Variants in TPH2 observed in about 807,000 individuals in gnomAD.
TPH2 encodes the protein tryptophan hydroxylase 2.
TPH2 carries 27 observed loss-of-function variants against 59.1 expected under a neutral mutation model. That is an observed-to-expected ratio of 0.46 (90% CI 0.34 to 0.63). The LOEUF is 0.63. Ranked by LOEUF, TPH2 falls within the 30% of genes least tolerant of loss-of-function variation. TPH2 has a pLI of 0.01. For missense variants in TPH2, 523 were observed against 588.3 expected (o/e 0.89, Z 1.15); for synonymous variants, 220 against 210.5 (o/e 1.05, Z -0.39).
At chr12:71,941,448 C>T (rs981185776) in intron 1 of TPH2, 136 bp from the exon 2 acceptor site, 21 of 1,072,946 alleles carry the variant, frequency 2.0e-5, no homozygotes, top group South Asian at 4.6e-5. Context: ...ATGAGTGACA[C>T]GGCAACTTCA....
intron 8 of TPH2, among the ~76,000 whole-genome samples, chr12:72,020,511 G>A (rs534090539): frequency 5.9e-5 from 9 of 152,070 alleles, no homozygotes; most frequent in East Asian, 1.9e-4. Context: ...TTTTTGAGAC[G>A]GAGTTTTGCT....
chr12:71,976,762 T>C (rs1872131025), intron 6 of TPH2, among the ~76,000 whole-genome samples: 1 of 152,202 alleles, frequency 6.6e-6, no homozygotes, highest in Non-Finnish European at 1.5e-5. Flanking sequence ...GGGCCTGTTT[T>C]ATAAGCTTAG....
At chr12:71,981,025 G>A (rs1048114870) in intron 7 of TPH2, among the ~76,000 whole-genome samples, 1 of 152,210 alleles carries the variant, frequency 6.6e-6, no homozygotes, top group African/African-American at 2.4e-5. Flanking sequence ...TAATTAGTGT[G>A]TGTAAAAAGT....
rs538941735 is a variant in TPH2, at chr12:71,948,972, GCTAAGA to G, written c.541-611_541-606del. Among the ~76,000 whole-genome samples, 132 of 152,266 alleles carry G rather than the reference GCTAAGA, an allele frequency of 8.7e-4. 3 individuals carry two copies. The East Asian group carries it at 0.014, about 16-fold the overall frequency. The stretch of plus-strand genomic sequence containing the variant: ...ATGATGGATAAAAATCTTGAAGTTG[GCTAAGA>G]CTAACTAGAATTATAAGAAGTCAGA... On this transcript the variant is annotated intron_variant, in intron 4 of 10. Coordinates refer to ENST00000333850, the MANE Select transcript of TPH2 (RefSeq NM_173353.4).
chr12:71,939,262 T>C (rs771391729), intron 1 of TPH2, among the ~76,000 whole-genome samples, 171 bp downstream of exon 1: 1 of 152,164 alleles, frequency 6.6e-6, no homozygotes, highest in Non-Finnish European at 1.5e-5. Flanking sequence ...TCCTCTTCTC[T>C]CCATAAGTAA....
At position 72,015,908 on chromosome 12, in the gene TPH2, G is replaced by A. The variant is rs866865115; in HGVS notation, c.1069-6491G>A. On this transcript the variant is annotated intron_variant, in intron 8 of 10. Transcript: ENST00000333850. Reference sequence around the variant, plus strand: ...TGGCTGGGGTCATGGGGAGCATAAGGTGATAGCTACTTACACTCATCCTGG... The same window carrying A: ...TGGCTGGGGTCATGGGGAGCATAAGATGATAGCTACTTACACTCATCCTGG... 2.4e-4 allele frequency among the ~76,000 whole-genome samples: 37 copies of A among 152,292 alleles called. No homozygotes were observed. In the Middle Eastern group the frequency reaches 0.01, roughly 42 times the overall value.
chr12:71,980,819 T>A (rs887723345), intron 7 of TPH2, among the ~76,000 whole-genome samples: 4 of 152,198 alleles, frequency 2.6e-5, no homozygotes, highest in Non-Finnish European at 4.4e-5. Flanking sequence ...CAGAGGATAA[T>A]GTGTTACATT....
At chr12:72,011,208 GGA>G (rs1276641697) in intron 8 of TPH2, among the ~76,000 whole-genome samples, 58 of 152,282 alleles carry the variant, frequency 3.8e-4, no homozygotes, top group African/African-American at 1.4e-3. Context: ...GCTTTGTTAT[GGA>G]GATGTTGCAC....
intron 1 of TPH2, among the ~76,000 whole-genome samples, chr12:71,941,200 A>G (rs1168460292): frequency 1.3e-5 from 2 of 152,208 alleles, no homozygotes; most frequent in Admixed American, 6.5e-5. Context: ...TTAGTAATTA[A>G]TATAGTTTCC....
intron 8 of TPH2, 74 bp from the exon 9 acceptor site, chr12:72,022,325 T>C: frequency 1.0e-6 from 1 of 1,000,382 alleles, no homozygotes; most frequent in South Asian, 1.3e-5. Context: ...CCCACCATTT[T>C]GTTTTGGGTG....
rs574058353 is a variant in TPH2 at position 71,954,694 on chromosome 12, C to T, written c.608+5039C>T. 8.5e-5 allele frequency among the ~76,000 whole-genome samples: 13 copies of T among 152,274 alleles called. No homozygotes were observed. In the East Asian group the frequency reaches 2.5e-3, roughly 29 times the overall value. On this transcript the variant is annotated intron_variant, in intron 5 of 10. Transcript: ENST00000333850. ...TTGAATCTCAGCATTAACATTGCTG[C>T]ATTTCTGTGGACTTCACAATTACTA... is the stretch of plus-strand genomic sequence containing the variant.
chr12:71,950,363 C>T (rs1161400326), intron 5 of TPH2, among the ~76,000 whole-genome samples: 2 of 151,698 alleles, frequency 1.3e-5, no homozygotes, highest in South Asian at 4.2e-4. Context: ...AAGGGTGGGG[C>T]CATTTTATAG....
intron 6 of TPH2, among the ~76,000 whole-genome samples, chr12:71,975,103 T>A (rs1208102828): frequency 6.6e-6 from 1 of 152,050 alleles, no homozygotes; most frequent in Non-Finnish European, 1.5e-5. Flanking sequence ...CCTCAGCACA[T>A]GGGGAGGCCA....
chr12:72,011,540 G>A (rs1486857740), intron 8 of TPH2, among the ~76,000 whole-genome samples: 1 of 152,200 alleles, frequency 6.6e-6, no homozygotes, highest in Non-Finnish European at 1.5e-5. Flanking sequence ...TGGGCTGTGA[G>A]GCACTTTGGA....
intron 8 of TPH2, among the ~76,000 whole-genome samples, chr12:72,008,818 C>G (rs911979717): frequency 6.6e-6 from 1 of 151,928 alleles, no homozygotes; most frequent in East Asian, 1.9e-4. Flanking sequence ...CAGCAGAAGC[C>G]CTTGTTCATT....
rs1871748770 is a variant in TPH2, at chr12:71,963,926, T to C, written c.609-8593T>C. ...GACTTGGGTTTTTAAAAAATTATTCTTCTCTTTACAGAAGTCTCAGCATAT... is the reference window on the plus strand; with the variant it reads ...GACTTGGGTTTTTAAAAAATTATTCCTCTCTTTACAGAAGTCTCAGCATAT... On this transcript the variant is annotated intron_variant, in intron 5 of 10. Coordinates refer to ENST00000333850, the MANE Select transcript of TPH2 (RefSeq NM_173353.4). Among the ~76,000 whole-genome samples the C allele has an allele frequency of 3.9e-5, 2 of 51,936 alleles. 1 individual carries two copies. The highest frequency in any genetic ancestry group is 9.7e-5 in the Non-Finnish European group (2 of 20,566). The allele number at this position is 51,936 out of a possible 152,430, so 34.1% of individuals were successfully genotyped here.
chr12:72,018,205 A>G (rs1486580053), intron 8 of TPH2, among the ~76,000 whole-genome samples: 1 of 152,166 alleles, frequency 6.6e-6, no homozygotes. Flanking sequence ...AGCAGATGGC[A>G]CTATGTAAGG....
At chr12:72,000,917 T>A (rs745425393) in intron 8 of TPH2, among the ~76,000 whole-genome samples, 3 of 152,264 alleles carry the variant, frequency 2.0e-5, no homozygotes, top group Non-Finnish European at 4.4e-5. Flanking sequence ...AAATAGTCCC[T>A]GAAATATATT....
At position 71,964,779 on chromosome 12, in the gene TPH2, A is replaced by T. The variant is rs1566126374; in HGVS notation, c.609-7740A>T. 16 of 947,140 alleles carry T rather than the reference A, an allele frequency of 1.7e-5. No individual in the cohort carries two copies. In the South Asian group the frequency reaches 5.4e-4, roughly 32 times the overall value. The allele number at this position is 947,140 out of a possible 1,614,324, so 58.7% of individuals were successfully genotyped here. On this transcript the variant is annotated intron_variant, in intron 5 of 10. Transcript: ENST00000333850. The stretch of plus-strand genomic sequence containing the variant: ...TTAATTATAAATTTTGTGATGATGA[A>T]TTTTTTTTTTAACTTTTACTTTAGG...
Sources: allele counts gnomAD v4.1 joint callset (sites outside exome capture counted in the v4.1 genomes callset), GRCh38; gene constraint gnomAD v4.1.1; transcripts MANE v1.5; gene names NCBI Gene and HGNC (gene_info 2026-07-23, HGNC 2026-07-21).